PDE3B: variants seen among roughly 807,000 people sequenced by gnomAD.
PDE3B encodes cGMP-inhibited 3',5'-cyclic phosphodiesterase 3B.
Under a neutral mutation model 116.8 loss-of-function variants are expected in PDE3B, and 66 were observed. That is an observed-to-expected ratio of 0.56 (90% CI 0.46 to 0.69). The LOEUF (loss-of-function observed/expected upper bound fraction) is 0.69, where lower values mean the gene tolerates loss of function less well. PDE3B is among the 30% of genes least tolerant of loss of function. PDE3B has a pLI of 0.00. For synonymous variants in PDE3B, 595 were observed against 533.6 expected (o/e 1.12, Z -1.59); for missense variants, 1,384 against 1,368.1 (o/e 1.01, Z -0.18).
the PDE3B span, chr11:14,892,083 C>T: frequency 6.2e-7 from 1 of 1,611,668 alleles, no homozygotes; most frequent in Non-Finnish European, 8.5e-7. Context: ...CCGGCGGCCC[C>T]GGGGGGAAGC....
Position 14,644,944 on chromosome 11 carries a change from G to A in PDE3B, c.869G>A (p.Arg290Gln). The A allele has an allele frequency of 1.2e-6, 2 of 1,614,088 alleles. No homozygotes were observed. The highest frequency in any genetic ancestry group is 1.7e-5 in the Admixed American group (1 of 60,026). The change falls in exon 1 of 16, where the codon CGA (arginine) becomes CAA (glutamine). Residue 290 changes from arginine to glutamine, a missense_variant. This residue lies in a region of PDE3B where 956 missense variants were observed against 806.8 expected (regional missense o/e 1.18). Coordinates refer to ENST00000282096, the MANE Select transcript of PDE3B (RefSeq NM_000922.4). The stretch of plus-strand genomic sequence containing the variant: ...GCCGAAGAAAAAGTGCCTGTGATCC[G>A]ACCCCGGAGGAGGTCCAGCTGCGTG... ...SAAEEKVPVI[R>Q]PRRRSSCVSL...
At position 14,867,681 on chromosome 11, in the gene PDE3B, A is replaced by G; in HGVS notation, c.3062A>G (p.Asp1021Gly). 1 of 1,613,924 alleles carries G rather than the reference A, an allele frequency of 6.2e-7. No individual in the cohort carries two copies. The highest frequency in any genetic ancestry group is 8.5e-7 in the Non-Finnish European group (1 of 1,179,806). ...GQWLEAEEDNDTESGDDEDGE... is the reference protein window; with the variant it reads ...GQWLEAEEDNGTESGDDEDGE... ...TGGTTAGAAGCAGAAGAGGATAATG[A>G]TACTGAAAGTGGTGATGATGAAGAC... Residue 1021 changes from aspartate to glycine, a missense_variant, in exon 15 of 16, where the codon GAT becomes GGT. Transcript: ENST00000282096.
At chr11:14,890,995 C>T in the PDE3B span, 1 of 985,472 alleles carries the variant, frequency 1.0e-6, no homozygotes, top group Non-Finnish European at 1.2e-6. Context: ...CTCTCTCCCA[C>T]TCATCTGCCA....
chr11:14,815,135 A>G (rs78880100), intron 5 of PDE3B, among the ~76,000 whole-genome samples: 1 of 148,820 alleles, frequency 6.7e-6, no homozygotes, highest in African/African-American at 2.5e-5. Flanking sequence ...AGACTCCATC[A>G]AAAAAAAAAG....
chr11:14,808,706 T>G (rs1015663372), intron 5 of PDE3B, among the ~76,000 whole-genome samples: 12 of 152,212 alleles, frequency 7.9e-5, no homozygotes, highest in African/African-American at 2.9e-4. Flanking sequence ...ACAAAATCAA[T>G]TTTATTTCTA....
intron 7 of PDE3B, among the ~76,000 whole-genome samples, chr11:14,825,895 A>T (rs1416269094): frequency 1.3e-5 from 2 of 152,208 alleles, no homozygotes; most frequent in East Asian, 3.8e-4. Flanking sequence ...CAAATGTAAA[A>T]GAACTGAAGT....
the PDE3B span, among the ~76,000 whole-genome samples, chr11:14,878,809 T>C: frequency 6.6e-6 from 1 of 152,226 alleles, no homozygotes; most frequent in South Asian, 2.1e-4. Context: ...CTTTTCCCTC[T>C]CTGGGTCTCA....
At chr11:14,713,695 T>TACACACACACACACAC (rs68083046) in intron 1 of PDE3B, among the ~76,000 whole-genome samples, 23 of 149,766 alleles carry the variant, frequency 1.5e-4, no homozygotes, top group African/African-American at 5.4e-4. Context: ...AAAAAATCTT[T>TACACACACACACACAC]ACACACACAC....
At chr11:14,770,639 T>TTA (rs1331543912) in intron 1 of PDE3B, among the ~76,000 whole-genome samples, 7 of 151,554 alleles carry the variant, frequency 4.6e-5, no homozygotes, top group African/African-American at 1.7e-4. Context: ...AATGAGTCTG[T>TTA]TATATATATG....
At chr11:14,772,149 G>A (rs1357312008) in intron 2 of PDE3B, 162 bp downstream of exon 2, 2 of 375,310 alleles carry the variant, frequency 5.3e-6, no homozygotes, top group Non-Finnish European at 9.9e-6. Flanking sequence ...CCTTCATTGA[G>A]GTAGATTTTT....
intron 7 of PDE3B, among the ~76,000 whole-genome samples, chr11:14,827,407 C>G (rs866871712): frequency 2.0e-5 from 3 of 152,100 alleles, no homozygotes; most frequent in Non-Finnish European, 2.9e-5. Flanking sequence ...GATTCTATAT[C>G]TAGAAAACCC....
At chr11:14,674,312 C>T in intron 1 of PDE3B, 1 of 985,188 alleles carries the variant, frequency 1.0e-6, no homozygotes. Flanking sequence ...GCATACTGCT[C>T]CTGATTGGCT....
chr11:14,749,108 C>G (rs1017068986), intron 1 of PDE3B, among the ~76,000 whole-genome samples: 2 of 152,136 alleles, frequency 1.3e-5, no homozygotes, highest in African/African-American at 4.8e-5. Flanking sequence ...AGGCTGGTGT[C>G]AAACTCTTGG....
chr11:14,762,189 G>T (rs1857381019), intron 1 of PDE3B, among the ~76,000 whole-genome samples: 1 of 149,292 alleles, frequency 6.7e-6, no homozygotes, highest in South Asian at 2.1e-4. Flanking sequence ...TCACTGTATT[G>T]CCCAGGCTGG....
chr11:14,881,274 C>T, the PDE3B span, among the ~76,000 whole-genome samples: 6 of 151,998 alleles, frequency 3.9e-5, no homozygotes, highest in African/African-American at 1.4e-4. Flanking sequence ...GGTAAGGGTA[C>T]TCTGAATGAG....
intron 7 of PDE3B, among the ~76,000 whole-genome samples, chr11:14,829,301 A>T (rs1342671811): frequency 6.6e-6 from 1 of 152,114 alleles, no homozygotes. Flanking sequence ...CACTAAACTT[A>T]AAAAATAAAT....
At chr11:14,717,288 G>A (rs1173127810) in intron 1 of PDE3B, among the ~76,000 whole-genome samples, 4 of 114,596 alleles carry the variant, frequency 3.5e-5, no homozygotes, top group African/African-American at 1.0e-4. Context: ...CCAAATCTAC[G>A]TCTGATTGGT....
chr11:14,673,589 GCT>G (rs145959001), intron 1 of PDE3B: 18,001 of 581,578 alleles, frequency 0.031, 398 homozygotes, highest in Non-Finnish European at 0.041. Flanking sequence ...CTCTCACATG[GCT>G]CTCAGGACGG....
intron 1 of PDE3B, among the ~76,000 whole-genome samples, chr11:14,687,810 G>T (rs1854919549): frequency 6.6e-6 from 1 of 152,116 alleles, no homozygotes; most frequent in African/African-American, 2.4e-5. Context: ...ATATCTAATT[G>T]ATTAGCATAA....
Sources: gnomAD v4.1 joint callset for allele counts (sites outside exome capture counted in the v4.1 genomes callset) on GRCh38, gnomAD v4.1.1 for gene constraint, gnomAD v4.1.1 regional missense constraint, MANE v1.5 for transcripts, NCBI Gene and HGNC (gene_info 2026-07-23, HGNC 2026-07-21) for gene names.